The following ALDH4A1 variants were observed in gnomAD, a reference collection of about 807,000 sequenced individuals.
The protein encoded by ALDH4A1 is aldehyde dehydrogenase 4 family member A1, also known as delta-1-pyrroline-5-carboxylate dehydrogenase, mitochondrial.
Under a neutral mutation model 70.5 loss-of-function variants are expected in ALDH4A1, and 46 were observed. The ratio of observed to expected loss-of-function variants is 0.65; its 90% CI spans 0.51 to 0.83. ALDH4A1 has a LOEUF of 0.83. ALDH4A1 is among the 40% of genes least tolerant of loss of function. ALDH4A1 has a pLI of 0.00. For synonymous variants in ALDH4A1, 323 were observed against 324.3 expected (o/e 1.00, Z 0.04); for missense variants, 749 against 766.5 (o/e 0.98, Z 0.27).
intron 1 of ALDH4A1, among the ~76,000 whole-genome samples, chr1:18,890,533 C>T (rs1031465536): frequency 1.3e-4 from 20 of 151,940 alleles, no homozygotes; most frequent in Non-Finnish European, 2.6e-4. Context: ...GGTGAGAGAG[C>T]GAAAAACTCC....
intron 11 of ALDH4A1, 112 bp downstream of exon 11, chr1:18,877,096 A>T: frequency 7.4e-7 from 1 of 1,353,832 alleles, no homozygotes; most frequent in Non-Finnish European, 1.0e-6. Flanking sequence ...CCTTGATCAA[A>T]GCAGTGGGGC....
At chr1:18,891,015 A>G (rs1220541520) in intron 1 of ALDH4A1, 1 of 357,198 alleles carries the variant, frequency 2.8e-6, no homozygotes, top group Non-Finnish European at 3.9e-6. Context: ...GCCTGATTCC[A>G]GGACACTGAG....
At chr1:18,890,192 T>A in intron 1 of ALDH4A1, 87 bp from the exon 2 acceptor site, 1 of 1,158,844 alleles carries the variant, frequency 8.6e-7, no homozygotes, top group Non-Finnish European at 1.2e-6. Flanking sequence ...CGACAGGGGG[T>A]CCTAGGTGGG....
Position 18,876,334 on chromosome 1 carries a change from T to C in ALDH4A1, c.1319A>G (p.Gln440Arg). Residue 440 changes from glutamine to arginine, a missense_variant, in exon 12 of 15, where the codon CAG becomes CGG. Transcript: ENST00000375341. ...EPCIVESKDP[Q>R]EPIMKEEIFG... is the part of the protein sequence containing the mutation. The stretch of plus-strand genomic sequence containing the variant: ...AGTCACCTCCTTCATGATGGGCTCC[T>C]GAGGGTCCTTGCTCTCCACGATGCA... 6.2e-7 allele frequency: 1 copy of C among 1,613,900 alleles called. No homozygotes were observed. The highest frequency in any genetic ancestry group is 8.5e-7 in the Non-Finnish European group (1 of 1,179,984).
intron 14 of ALDH4A1, among the ~76,000 whole-genome samples, chr1:18,873,846 A>G (rs921818835): frequency 5.3e-5 from 8 of 152,218 alleles, no homozygotes; most frequent in African/African-American, 1.9e-4. Context: ...AGAGGGCATC[A>G]TGGGAGCTTC....
intron 11 of ALDH4A1, 102 bp downstream of exon 11, chr1:18,877,106 C>T: frequency 7.7e-6 from 11 of 1,437,526 alleles, no homozygotes; most frequent in Non-Finnish European, 1.1e-5. Flanking sequence ...AGCAGTGGGG[C>T]TGGGTCATGC....
chr1:18,877,466 GC>G lies in ALDH4A1; in HGVS notation c.1086del (p.Gln363ArgfsTer29). On this transcript the variant is annotated frameshift_variant, in exon 10 of 15. Coordinates refer to ENST00000375341, the MANE Select transcript of ALDH4A1 (RefSeq NM_003748.4). LOFTEE classifies it high-confidence loss of function. ...SRLYVPHSLW[P>X]QIKGRLLEEH... ...TCCTCCAGCAGCCGCCCTTTGATCT[GC>G]GGCCACAGCGAGTGCGGCACGTAGA... The G allele has an allele frequency of 6.3e-7, 1 of 1,595,300 alleles. No homozygotes were observed. Among genetic ancestry groups the G allele is most frequent in the East Asian group, 2.3e-5 (1 of 44,174 alleles).
intron 14 of ALDH4A1, 72 bp from the exon 15 acceptor site, chr1:18,873,029 G>T: frequency 7.5e-7 from 1 of 1,334,610 alleles, no homozygotes; most frequent in Non-Finnish European, 1.1e-6. Context: ...GGGAGGAGAT[G>T]ATGGAATCAA....
At chr1:18,890,209 G>A (rs1935384126) in intron 1 of ALDH4A1, 104 bp from the exon 2 acceptor site, 1 of 971,048 alleles carries the variant, frequency 1.0e-6, no homozygotes, top group Non-Finnish European at 1.6e-6. Context: ...TGGGCACCCA[G>A]AGCCTGAAAT....
intron 1 of ALDH4A1, among the ~76,000 whole-genome samples, chr1:18,891,639 G>A (rs572288047): frequency 6.6e-6 from 1 of 152,282 alleles, no homozygotes; most frequent in East Asian, 1.9e-4. Context: ...GAAAGTGGGG[G>A]TGAGGCTGAC....
At chr1:18,894,143 A>G (rs1224496759) in intron 1 of ALDH4A1, among the ~76,000 whole-genome samples, 1 of 152,206 alleles carries the variant, frequency 6.6e-6, no homozygotes, top group Admixed American at 6.5e-5. Context: ...GCTTTCAGAG[A>G]CAAATGGGCT....
Position 18,872,242 on chromosome 1 carries a change from C to G in ALDH4A1, c.*603G>C, listed in dbSNP as rs1934470837. 6.6e-6 allele frequency: 1 copy of G among 152,574 alleles called. No homozygotes were observed. Among genetic ancestry groups the G allele is most frequent in the Admixed American group, 6.5e-5 (1 of 15,298 alleles). 9.5% of individuals were successfully genotyped at this position (152,574 alleles called of 1,614,324 possible). On this transcript the variant is annotated 3_prime_UTR_variant, in exon 15 of 15. Coordinates refer to ENST00000375341, the MANE Select transcript of ALDH4A1 (RefSeq NM_003748.4). ...GGGAATCACACAGGCCTCGGCCAAA[C>G]ACAGGCACCTGGAGTAAGGCATGCC...
intron 5 of ALDH4A1, chr1:18,885,224 C>T (rs563245048): frequency 1.4e-4 from 81 of 559,464 alleles, no homozygotes; most frequent in Non-Finnish European, 1.3e-4. Context: ...GGCCTAGGAG[C>T]GAGGACAGAG....
At chr1:18,882,818 G>A (rs886117913) in intron 7 of ALDH4A1, 20 of 598,914 alleles carry the variant, frequency 3.3e-5, no homozygotes, top group African/African-American at 5.4e-5. Context: ...GCTGCTGGAT[G>A]TGTCTCATTT....
rs1395544074 is a variant in ALDH4A1, at chr1:18,902,461, C to T, written c.62+1G>A. ...CCGCCCCGGGCCCCGTGCTCACTCA[C>T]CCGGCCCCGGTCCAGGGGCGGGACA... On this transcript the variant is annotated splice_donor_variant, in intron 1 of 14. Transcript: ENST00000375341. LOFTEE classifies it high-confidence loss of function. The T allele has an allele frequency of 5.7e-6, 8 of 1,392,870 alleles. No individual in the cohort carries two copies. The highest frequency in any genetic ancestry group is 7.5e-6 in the Non-Finnish European group (8 of 1,073,632). 86.3% of individuals were successfully genotyped at this position (1,392,870 alleles called of 1,614,324 possible). A position where few individuals can be genotyped will look rare whatever the true frequency, so the allele number is the denominator to read the frequency against.
In ALDH4A1 at chr1:18,876,459, G is replaced by A. The variant is rs1264399368; in HGVS notation, c.1194C>T (p.Ala398=). Residue 398 remains alanine (A), a synonymous_variant, in exon 12 of 15, where the codon GCC becomes GCT. Transcript: ENST00000375341. ...CGTGCTCCAGCCACTTCTTGATACG[G>A]GCAAAGGACTGGGGTGGGCAGGGAG... ...FSAVIDAKSF[A]RIKKWLEHAR... is the part of the protein sequence containing the mutation. The A allele has an allele frequency of 2.5e-6, 4 of 1,596,254 alleles. No individual in the cohort carries two copies. The East Asian group carries it at 9.0e-5, about 36-fold the overall frequency.
intron 7 of ALDH4A1, 53 bp downstream of exon 7, chr1:18,883,071 T>C (rs767200060): frequency 1.6e-5 from 26 of 1,611,432 alleles, no homozygotes; most frequent in Non-Finnish European, 2.0e-5. Flanking sequence ...GTCTGTCTGT[T>C]GGGACCAGGA....
rs146741343 is a variant in ALDH4A1, at chr1:18,877,569, G to A, written c.984C>T (p.Asp328=). 9.6e-5 allele frequency: 155 copies of A among 1,609,320 alleles called. No individual in the cohort carries two copies. The highest frequency in any genetic ancestry group is 1.2e-4 in the Non-Finnish European group (138 of 1,178,452). Residue 328 remains aspartate (D), a synonymous_variant, in exon 10 of 15, where the codon GAC becomes GAT. Coordinates refer to ENST00000375341, the MANE Select transcript of ALDH4A1 (RefSeq NM_003748.4). ...GGGTCCCGCTCACCACGCTCTCCACGTCGGCCGAGCGGTGCACGAAGTGGA... is the reference window on the plus strand; with the variant it reads ...GGGTCCCGCTCACCACGCTCTCCACATCGGCCGAGCGGTGCACGAAGTGGA... ...KNFHFVHRSA[D]VESVVSGTLR...
In ALDH4A1 at chr1:18,880,021, C is replaced by T. The variant is rs917915758; in HGVS notation, c.867-648G>A. 7.0e-5 allele frequency among the ~76,000 whole-genome samples: 10 copies of T among 142,440 alleles called. No homozygotes were observed. The highest frequency in any genetic ancestry group is 1.1e-4 in the Non-Finnish European group (7 of 66,028). 93.4% of individuals were successfully genotyped at this position (142,440 alleles called of 152,430 possible). ...AATTTATGGCCTTCCCACCTTTAAG[C>T]CCGCTGCTCATCAGAGCGTGGAGAA... On this transcript the variant is annotated intron_variant, in intron 8 of 14. Transcript: ENST00000375341. The surrounding 1 kb of genome is among the most constrained non-coding windows in gnomAD (Gnocchi z 5.1).
Sources: gnomAD v4.1 joint callset for allele counts (sites outside exome capture counted in the v4.1 genomes callset) on GRCh38, gnomAD v4.1.1 for gene constraint, Gnocchi (gnomAD v3.1) non-coding constraint, MANE v1.5 for transcripts, NCBI Gene and HGNC (gene_info 2026-07-23, HGNC 2026-07-21) for gene names.